SORBS2: variants seen among roughly 807,000 people sequenced by gnomAD.
SORBS2 encodes sorbin and SH3 domain containing 2.
In SORBS2, 46 loss-of-function variants were observed where a neutral mutation model predicts 97.7. The ratio of observed to expected loss-of-function variants is 0.47; its 90% CI spans 0.37 to 0.60. The LOEUF is 0.60. Ranked by LOEUF, SORBS2 falls within the 20% of genes least tolerant of loss-of-function variation. The probability of loss-of-function intolerance (pLI) is 0.00; values close to 1 mark genes in which losing one functional copy is unlikely to be tolerated. For missense variants in SORBS2, 1,316 were observed against 1,282.3 expected (o/e 1.03, Z -0.40); for synonymous variants, 476 against 473.4 (o/e 1.01, Z -0.07).
intron 2 of SORBS2, among the ~76,000 whole-genome samples, chr4:185,748,935 T>C (rs7678763): frequency 0.35 from 52,688 of 151,986 alleles, 9,372 homozygotes; most frequent in African/African-American, 0.41. Context: ...TATTCTTGGA[T>C]GAGGACCTGG....
At chr4:185,843,297 G>C (rs367616541) in intron 1 of SORBS2, among the ~76,000 whole-genome samples, 1 of 152,198 alleles carries the variant, frequency 6.6e-6, no homozygotes, top group African/African-American at 2.4e-5. Flanking sequence ...TGGGAACAAG[G>C]AAAAGGTATC....
At chr4:185,921,980 A>G (rs1038384926) in intron 1 of SORBS2, among the ~76,000 whole-genome samples, 38 of 152,230 alleles carry the variant, frequency 2.5e-4, no homozygotes, top group Non-Finnish European at 1.5e-5. Context: ...ACTGGCTCAC[A>G]TTGGGAAAAC....
intron 4 of SORBS2, among the ~76,000 whole-genome samples, chr4:185,670,813 A>T (rs142343446): frequency 2.5e-3 from 383 of 152,204 alleles, no homozygotes; most frequent in African/African-American, 8.3e-3. Flanking sequence ...CTGTTGCCGG[A>T]TCATCATTTT....
intron 2 of SORBS2, among the ~76,000 whole-genome samples, chr4:185,731,203 C>T (rs1239587184): frequency 6.6e-6 from 1 of 152,178 alleles, no homozygotes; most frequent in South Asian, 2.1e-4. Flanking sequence ...GGCTGTAAGG[C>T]TGCCCACCTG....
At chr4:185,831,759 C>A (rs547406640) in intron 1 of SORBS2, among the ~76,000 whole-genome samples, 26 of 152,300 alleles carry the variant, frequency 1.7e-4, no homozygotes, top group African/African-American at 6.0e-4. Context: ...TCCTAAAGTT[C>A]TATTCTTTCC....
At position 185,649,625 on chromosome 4, in the gene SORBS2, T is replaced by C. The variant is rs528014423; in HGVS notation, c.123A>G (p.Ser41=). The change falls in exon 3 of 15, where the codon TCA becomes TCG. Residue 41 remains serine (S), a synonymous_variant. Transcript: ENST00000418609. ...AGGTTTGGGTCTTTGCAGCAGGGTG[T>C]GACTGAGCACTGTAGGGTGGGTTGT... is the stretch of plus-strand genomic sequence containing the variant. The C allele has an allele frequency of 7.8e-5, 123 of 1,574,028 alleles. No homozygotes were observed. In the South Asian group the frequency reaches 1.3e-3, roughly 17 times the overall value.
At chr4:185,735,380 T>TTC (rs1394443145) in intron 2 of SORBS2, among the ~76,000 whole-genome samples, 1 of 151,594 alleles carries the variant, frequency 6.6e-6, no homozygotes, top group Non-Finnish European at 1.5e-5. Context: ...TAAACTATTT[T>TTC]TTTTTTTTTT....
intron 1 of SORBS2, among the ~76,000 whole-genome samples, chr4:185,839,785 G>A (rs2099210392): frequency 6.6e-6 from 1 of 152,206 alleles, no homozygotes. Flanking sequence ...TCTGGGTGAG[G>A]TGGAACAAGA....
At chr4:185,643,816 G>T (rs2097166590) in intron 4 of SORBS2, among the ~76,000 whole-genome samples, 1 of 152,154 alleles carries the variant, frequency 6.6e-6, no homozygotes, top group South Asian at 2.1e-4. Context: ...AAGGCATCTT[G>T]GAGTCAAAAG....
Position 185,680,785 on chromosome 4 carries a change from T to C in SORBS2, c.-197-1963A>G, listed in dbSNP as rs528710334. Among the ~76,000 whole-genome samples the C allele has an allele frequency of 8.8e-4, 134 of 152,168 alleles. 1 individual carries two copies. The highest frequency in any genetic ancestry group is 3.2e-3 in the African/African-American group (133 of 41,522). Reference sequence around the variant, plus strand: ...TGTACTGGGCGGGTCTGAAGGACACTAGAAATAAACTCCCTCTAAATGATA... The same window carrying C: ...TGTACTGGGCGGGTCTGAAGGACACCAGAAATAAACTCCCTCTAAATGATA... On this transcript the variant is annotated intron_variant, in intron 2 of 20. Transcript: ENST00000284776.
chr4:185,725,969 C>T (rs1173557062), intron 2 of SORBS2, among the ~76,000 whole-genome samples: 2 of 152,000 alleles, frequency 1.3e-5, no homozygotes, highest in East Asian at 3.9e-4. Context: ...TTTGTTGCTC[C>T]TTTTTTTGTA....
chr4:185,587,892 G>A, intron 14 of SORBS2: 3 of 516,902 alleles, frequency 5.8e-6, no homozygotes, highest in Non-Finnish European at 3.4e-6. Flanking sequence ...CTGCCCCTCC[G>A]GCATAAATGC....
intron 1 of SORBS2, among the ~76,000 whole-genome samples, chr4:185,783,949 C>T (rs1331266815): frequency 1.3e-5 from 2 of 152,220 alleles, no homozygotes; most frequent in Non-Finnish European, 2.9e-5. Context: ...ACACTTCCTT[C>T]TGCCTCCTGA....
intron 1 of SORBS2, among the ~76,000 whole-genome samples, chr4:185,856,736 T>G (rs572704655): frequency 2.0e-5 from 3 of 152,272 alleles, no homozygotes; most frequent in Admixed American, 2.0e-4. Flanking sequence ...AAGGAAATAC[T>G]CAAGACTAGG....
At position 185,716,789 on chromosome 4, in the gene SORBS2, C is replaced by T. The variant is rs149620121; in HGVS notation, c.-197-37967G>A. The stretch of plus-strand genomic sequence containing the variant: ...AGTTCTGCCTGACTGGTCTCACCAG[C>T]ACACCAGACTGCGCAGGCGGGTCAG... On this transcript the variant is annotated intron_variant, in intron 2 of 20. Transcript: ENST00000284776. Among the ~76,000 whole-genome samples the T allele has an allele frequency of 1.9e-3, 290 of 152,254 alleles. 5 individuals are homozygous for T. In the East Asian group the frequency reaches 0.039, roughly 20 times the overall value.
At chr4:185,921,049 G>C (rs1024062999) in intron 1 of SORBS2, among the ~76,000 whole-genome samples, 1 of 152,214 alleles carries the variant, frequency 6.6e-6, no homozygotes, top group Non-Finnish European at 1.5e-5. Flanking sequence ...GGGGAATGCT[G>C]ATACTTTCCT....
Position 185,868,147 on chromosome 4 carries a change from C to CTTTCTTTCTTTTTTTTTTTTTTTTT in SORBS2, c.-338+88048_-338+88049insAAAAAAAAAAAAAAAAAGAAAGAAA, listed in dbSNP as rs1288748201. Among the ~76,000 whole-genome samples the CTTTCTTTCTTTTTTTTTTTTTTTTT allele has an allele frequency of 8.7e-4, 78 of 89,764 alleles. 14 individuals are homozygous for CTTTCTTTCTTTTTTTTTTTTTTTTT. Among genetic ancestry groups the CTTTCTTTCTTTTTTTTTTTTTTTTT allele is most frequent in the East Asian group, 1.6e-3 (5 of 3,142 alleles). 58.9% of individuals were successfully genotyped at this position (89,764 alleles called of 152,430 possible). A position where few individuals can be genotyped will look rare whatever the true frequency, so the allele number is the denominator to read the frequency against. On this transcript the variant is annotated intron_variant, in intron 1 of 20. Coordinates refer to the SORBS2 transcript ENST00000284776. The stretch of plus-strand genomic sequence containing the variant: ...TCTACTTTCCTTTCTCTTTTCTTTT[C>CTTTCTTTCTTTTTTTTTTTTTTTTT]TTTTTTTCTTTCTTTTTTTTTTTTT...
chr4:185,922,367 G>A (rs774802555), intron 1 of SORBS2, among the ~76,000 whole-genome samples: 1 of 152,040 alleles, frequency 6.6e-6, no homozygotes, highest in African/African-American at 2.4e-5. Flanking sequence ...AGCAGCCCTG[G>A]GTCTTGGCTC....
intron 1 of SORBS2, among the ~76,000 whole-genome samples, chr4:185,908,374 T>C (rs2149864748): frequency 7.2e-6 from 1 of 139,450 alleles, no homozygotes; most frequent in East Asian, 2.3e-4. Context: ...TGTATATATA[T>C]GTTAGTAAAT....
Sources: allele counts gnomAD v4.1 joint callset (sites outside exome capture counted in the v4.1 genomes callset), GRCh38; gene constraint gnomAD v4.1.1; transcripts MANE v1.5; gene names NCBI Gene and HGNC (gene_info 2026-07-23, HGNC 2026-07-21).